Variants in NRG1 observed in about 807,000 individuals in gnomAD.
NRG1 encodes the protein neuregulin 1, also known as pro-neuregulin-1, membrane-bound isoform.
In NRG1, 18 loss-of-function variants were observed where a neutral mutation model predicts 63.8. The ratio of observed to expected loss-of-function variants is 0.28; its 90% CI spans 0.19 to 0.42. The LOEUF (loss-of-function observed/expected upper bound fraction) is 0.42, where lower values mean the gene tolerates loss of function less well. NRG1 is among the 10% of genes least tolerant of loss of function. The probability of loss-of-function intolerance (pLI) is 1.00; values close to 1 mark genes in which losing one functional copy is unlikely to be tolerated. For missense variants in NRG1, 762 were observed against 814.7 expected (o/e 0.94, Z 0.79); for synonymous variants, 302 against 301.3 (o/e 1.00, Z -0.02).
At chr8:31,849,065 C>A (rs1826963327) in intron 1 of NRG1, among the ~76,000 whole-genome samples, 1 of 152,248 alleles carries the variant, frequency 6.6e-6, no homozygotes, top group South Asian at 2.1e-4. Context: ...ATGCACAAAC[C>A]TTTTCTTTTA....
At chr8:31,897,736 C>T (rs987261968) in intron 1 of NRG1, among the ~76,000 whole-genome samples, 2 of 151,852 alleles carry the variant, frequency 1.3e-5, no homozygotes, top group African/African-American at 4.8e-5. Context: ...TGAAGCTGTC[C>T]GGGCATAGTG....
intron 1 of NRG1, among the ~76,000 whole-genome samples, chr8:31,770,794 TATAC>T (rs1554526901): frequency 7.7e-6 from 1 of 129,094 alleles, no homozygotes; most frequent in Non-Finnish European, 1.7e-5. Flanking sequence ...TATATATATA[TATAC>T]ATATATAAAC....
At chr8:32,192,150 T>C (rs1842553385) in intron 1 of NRG1, 1 of 152,204 alleles carries the variant, frequency 6.6e-6, no homozygotes, top group African/African-American at 2.4e-5. Flanking sequence ...TTCAGGGTGA[T>C]AAATTAGTTC....
intron 1 of NRG1, among the ~76,000 whole-genome samples, chr8:31,805,622 A>T (rs1049049079): frequency 2.6e-5 from 4 of 151,922 alleles, no homozygotes; most frequent in Non-Finnish European, 4.4e-5. Context: ...AGGTCAGGAG[A>T]TGGAGACCAT....
At chr8:32,076,156 T>C (rs1482727976) in intron 1 of NRG1, among the ~76,000 whole-genome samples, 3 of 152,158 alleles carry the variant, frequency 2.0e-5, no homozygotes, top group Non-Finnish European at 4.4e-5. Context: ...GCATTTACCA[T>C]TGATACCACC....
chr8:32,671,130 T>A lies in NRG1; in HGVS notation c.502+54245T>A, dbSNP rs557624503. ...ATTCATTTGGGTTTGTTCTTATGCT[T>A]TTTTTTTTTTTTAGCAAATTAAAAA... On this transcript the variant is annotated intron_variant, in intron 5 of 11. Coordinates refer to ENST00000356819, the Ensembl canonical transcript of NRG1. Among the ~76,000 whole-genome samples the A allele has an allele frequency of 2.5e-4, 36 of 141,852 alleles. 1 individual carries two copies. In the East Asian group the frequency reaches 3.4e-3, roughly 13 times the overall value. 93.1% of individuals were successfully genotyped at this position (141,852 alleles called of 152,430 possible).
rs60780562 is a variant in NRG1, at chr8:32,371,992, A to ATTTTTTTTTTTTTTTTTTTTTTT, written c.38-223820_38-223819insTTTTTTTTTTTTTTTTTTTTTTT. Among the ~76,000 whole-genome samples, 2 of 129,420 alleles carry ATTTTTTTTTTTTTTTTTTTTTTT rather than the reference A, an allele frequency of 1.5e-5. 1 individual carries two copies. 84.9% of individuals were successfully genotyped at this position (129,420 alleles called of 152,430 possible). A position where few individuals can be genotyped will look rare whatever the true frequency, so the allele number is the denominator to read the frequency against. ...CTTTCTTTCTTTTTTCTTCTTCTTC[A>ATTTTTTTTTTTTTTTTTTTTTTT]TTTTTTTTTTTTTTTTAAAAGGGTT... On this transcript the variant is annotated intron_variant, in intron 1 of 10. Transcript: ENST00000519301.
chr8:32,508,115 G>A (rs965673661), intron 1 of NRG1, among the ~76,000 whole-genome samples: 7 of 152,230 alleles, frequency 4.6e-5, no homozygotes, highest in African/African-American at 1.4e-4. Flanking sequence ...CATTAACAAA[G>A]AATGGTAGAG....
At chr8:31,639,557 A>G in intron 1 of NRG1, 1 of 1,445,520 alleles carries the variant, frequency 6.9e-7, no homozygotes, top group South Asian at 1.3e-5. Context: ...TCGCAGCCCC[A>G]GCAGCCGCCG....
At chr8:32,630,675 A>G (rs4579490) in intron 5 of NRG1, among the ~76,000 whole-genome samples, 10,243 of 150,742 alleles carry the variant, frequency 0.068, 1,105 homozygotes, top group East Asian at 0.52. Flanking sequence ...AACAATCCCT[A>G]TGTTAAGTTT....
At position 32,179,253 on chromosome 8, in the gene NRG1, G is replaced by A. The variant is rs116316816; in HGVS notation, c.38-416575G>A. Reference sequence around the variant, plus strand: ...CTATATCCAGTAGAATTGGAGACAAGTTAGGGACAGAGCTCAGAGAGCTGC... The same window carrying A: ...CTATATCCAGTAGAATTGGAGACAAATTAGGGACAGAGCTCAGAGAGCTGC... On this transcript the variant is annotated intron_variant, in intron 1 of 10. Transcript: ENST00000519301. Among the ~76,000 whole-genome samples, 661 of 145,192 alleles carry A rather than the reference G, an allele frequency of 4.6e-3. 4 individuals are homozygous for A. The highest frequency in any genetic ancestry group is 0.015 in the African/African-American group (603 of 39,352).
intron 1 of NRG1, among the ~76,000 whole-genome samples, chr8:32,155,437 C>A (rs960278398): frequency 6.6e-6 from 1 of 152,128 alleles, no homozygotes; most frequent in Non-Finnish European, 1.5e-5. Flanking sequence ...GGGAGAATAA[C>A]ACATTCCCCT....
intron 1 of NRG1, among the ~76,000 whole-genome samples, chr8:31,740,285 C>T (rs1815130709): frequency 6.6e-6 from 1 of 151,902 alleles, no homozygotes; most frequent in Admixed American, 6.6e-5. Context: ...TTCTTCATTG[C>T]TAATTTTGAG....
chr8:32,027,843 T>G (rs1817699599), intron 1 of NRG1, among the ~76,000 whole-genome samples: 1 of 152,154 alleles, frequency 6.6e-6, no homozygotes, highest in African/African-American at 2.4e-5. Context: ...AAATTTGCTG[T>G]GTATTCTTGA....
At chr8:31,698,453 G>A (rs1810310465) in intron 1 of NRG1, among the ~76,000 whole-genome samples, 1 of 152,156 alleles carries the variant, frequency 6.6e-6, no homozygotes, top group African/African-American at 2.4e-5. Context: ...TTAAAAAGAG[G>A]AAGCTTCACT....
intron 1 of NRG1, among the ~76,000 whole-genome samples, chr8:31,835,781 G>A (rs1254390579): frequency 2.0e-5 from 3 of 152,158 alleles, no homozygotes; most frequent in Non-Finnish European, 4.4e-5. Context: ...ATGAAATAAT[G>A]TTATGTATTA....
chr8:32,155,333 G>T (rs1307270915), intron 1 of NRG1, among the ~76,000 whole-genome samples: 1 of 152,138 alleles, frequency 6.6e-6, no homozygotes, highest in Non-Finnish European at 1.5e-5. Flanking sequence ...TTTGAATCTT[G>T]AGTTTTCTTC....
chr8:32,105,332 C>T (rs967778598), intron 1 of NRG1, among the ~76,000 whole-genome samples: 13 of 152,252 alleles, frequency 8.5e-5, no homozygotes, highest in Non-Finnish European at 1.3e-4. Context: ...CTCACAGTTC[C>T]GCATGGCTAG....
chr8:32,705,576 A>T (rs1816182440), intron 5 of NRG1, among the ~76,000 whole-genome samples: 1 of 152,208 alleles, frequency 6.6e-6, no homozygotes, highest in South Asian at 2.1e-4. Context: ...TCTCCTCTTG[A>T]TCTACTCTTT....
Sources: gnomAD v4.1 joint callset for allele counts (sites outside exome capture counted in the v4.1 genomes callset) on GRCh38, gnomAD v4.1.1 for gene constraint, MANE v1.5 for transcripts, NCBI Gene and HGNC (gene_info 2026-07-23, HGNC 2026-07-21) for gene names.